TEX9: variants seen among roughly 807,000 people sequenced by gnomAD.
The protein encoded by TEX9 is testis expressed 9, also known as testis-expressed protein 9.
In TEX9, 74 loss-of-function variants were observed where a neutral mutation model predicts 59.6. That is an observed-to-expected ratio of 1.24 (90% CI 1.03 to 1.51). TEX9 has a LOEUF of 1.51. TEX9 is among the 40% of genes most tolerant of loss of function. The pLI, the probability that TEX9 is intolerant of heterozygous loss-of-function variation, is 0.00. For missense variants in TEX9, 522 were observed against 447.8 expected, an observed-to-expected ratio of 1.17 and a Z score of -1.49; for synonymous variants, 186 against 152.2, an observed-to-expected ratio of 1.22 and a Z score of -1.64.
At chr15:56,394,700 T>C (rs538223285) in exon 9 of TEX9, 11 of 1,608,188 alleles carry the variant, frequency 6.8e-6, no homozygotes, top group South Asian at 6.7e-5. Flanking sequence ...AGTAAAAAAT[T>C]TTGAAGAAGA....
At chr15:56,322,238 G>C (rs1440796398) in intron 1 of TEX9, among the ~76,000 whole-genome samples, 1 of 152,096 alleles carries the variant, frequency 6.6e-6, no homozygotes, top group African/African-American at 2.4e-5. Context: ...GAGTGGACAG[G>C]TTGTGTCAAG....
intron 1 of TEX9, chr15:56,323,077 G>T: frequency 5.3e-6 from 1 of 189,370 alleles, no homozygotes; most frequent in Non-Finnish European, 1.1e-5. Context: ...GATGGGTACT[G>T]GATGACTCTG....
intron 1 of TEX9, among the ~76,000 whole-genome samples, chr15:56,290,015 G>T (rs941356253): frequency 1.3e-5 from 2 of 152,322 alleles, no homozygotes; most frequent in Middle Eastern, 3.4e-3. Context: ...TGGCTCTGGA[G>T]TGTGAATTAG....
At chr15:56,289,167 G>GT (rs1176350006) in intron 1 of TEX9, among the ~76,000 whole-genome samples, 3 of 151,960 alleles carry the variant, frequency 2.0e-5, no homozygotes, top group African/African-American at 7.2e-5. Flanking sequence ...TTTTCTCGAG[G>GT]TTTTCTGAGC....
At chr15:56,444,796 C>G (rs2050880042) in intron 12 of TEX9, 1 of 907,360 alleles carries the variant, frequency 1.1e-6, no homozygotes, top group Admixed American at 2.7e-5. Flanking sequence ...TTTCATCTGT[C>G]TAGGTTAAAA....
At chr15:56,295,063 T>C (rs1269643731) in intron 1 of TEX9, among the ~76,000 whole-genome samples, 1 of 152,096 alleles carries the variant, frequency 6.6e-6, no homozygotes, top group African/African-American at 2.4e-5. Context: ...CCTTAACTAG[T>C]AATAAACTAT....
intron 1 of TEX9, among the ~76,000 whole-genome samples, chr15:56,339,335 A>G (rs1462296407): frequency 7.4e-6 from 1 of 135,152 alleles, no homozygotes; most frequent in Non-Finnish European, 1.5e-5. Flanking sequence ...GTAAGCCCTG[A>G]TCACGCCACT....
chr15:56,324,986 A>G (rs775134366), intron 1 of TEX9, among the ~76,000 whole-genome samples: 1 of 152,224 alleles, frequency 6.6e-6, no homozygotes, highest in Non-Finnish European at 1.5e-5. Context: ...AATAGTTCTT[A>G]CCTACCTCTA....
intron 1 of TEX9, among the ~76,000 whole-genome samples, chr15:56,284,657 C>T (rs1206018251): frequency 6.6e-6 from 1 of 152,110 alleles, no homozygotes; most frequent in Non-Finnish European, 1.5e-5. Flanking sequence ...GCCTCTTTAC[C>T]AGTATTTCCA....
At chr15:56,388,861 G>C (rs2048078887) in intron 5 of TEX9, among the ~76,000 whole-genome samples, 1 of 152,002 alleles carries the variant, frequency 6.6e-6, no homozygotes, top group Non-Finnish European at 1.5e-5. Context: ...GATTTGAAAA[G>C]TTTGTTTGTT....
At position 56,436,143 on chromosome 15, in the gene TEX9, C is replaced by A. The variant is rs544397660; in HGVS notation, c.*29+7670C>A. ...TACAGAACTCTCCAGCCCAAATCAA[C>A]AGAATATACATTCTTCTCAGCACCA... On this transcript the variant is annotated intron_variant, in intron 12 of 12. Coordinates refer to ENST00000352903, the Ensembl canonical transcript of TEX9. Among the ~76,000 whole-genome samples, 16 of 152,278 alleles carry A rather than the reference C, an allele frequency of 1.1e-4. No individual in the cohort carries two copies. The South Asian group carries it at 1.2e-3, about 12-fold the overall frequency.
chr15:56,450,744 A>G (rs10438330), downstream of TEX9, among the ~76,000 whole-genome samples: 3,010 of 152,158 alleles, frequency 0.02, 44 homozygotes, highest in Non-Finnish European at 0.03. Context: ...AAGTCTCACT[A>G]TTGAATTTTT....
At chr15:56,316,967 CT>C (rs769574073) in intron 1 of TEX9, among the ~76,000 whole-genome samples, 1 of 152,218 alleles carries the variant, frequency 6.6e-6, no homozygotes, top group Non-Finnish European at 1.5e-5. Flanking sequence ...TCCCTGACCC[CT>C]TGCGCTTCCC....
intron 12 of TEX9, chr15:56,434,516 G>T: frequency 9.4e-7 from 1 of 1,065,134 alleles, no homozygotes; most frequent in Non-Finnish European, 1.3e-6. Context: ...AACTGAAAAA[G>T]TAAGGCTTTT....
Position 56,306,906 on chromosome 15 carries a change from A to G in TEX9, c.-107+62628A>G, listed in dbSNP as rs548547025. 2.2e-4 allele frequency among the ~76,000 whole-genome samples: 33 copies of G among 152,356 alleles called. No homozygotes were observed. The South Asian group carries it at 6.6e-3, about 31-fold the overall frequency. ...GTACCCATGAAACATTGAAAATTAA[A>G]AGAAACTTATACCGGCCATTAATAC... On this transcript the variant is annotated intron_variant, in intron 1 of 5. Coordinates refer to the TEX9 transcript ENST00000560827.
chr15:56,360,925 G>A (rs1280391654), upstream of TEX9, among the ~76,000 whole-genome samples: 1 of 152,152 alleles, frequency 6.6e-6, no homozygotes, highest in Non-Finnish European at 1.5e-5. Flanking sequence ...TCCAATAGAG[G>A]CTCTAGTCCA....
intron 1 of TEX9, among the ~76,000 whole-genome samples, chr15:56,341,278 C>A (rs2046367782): frequency 6.6e-6 from 1 of 152,076 alleles, no homozygotes. Context: ...ATAATTACTC[C>A]TCCTCCCATA....
chr15:56,449,125 T>G (rs2050929532), downstream of TEX9, among the ~76,000 whole-genome samples: 1 of 152,204 alleles, frequency 6.6e-6, no homozygotes, highest in South Asian at 2.1e-4. Context: ...TTTTATTCCT[T>G]TAATGCCAAT....
intron 3 of TEX9, among the ~76,000 whole-genome samples, chr15:56,375,523 G>T (rs1162273254): frequency 6.6e-6 from 1 of 151,246 alleles, no homozygotes; most frequent in Non-Finnish European, 1.5e-5. Context: ...AGTTTAATTA[G>T]ATCCCATTTG....
Sources: allele counts gnomAD v4.1 joint callset (sites outside exome capture counted in the v4.1 genomes callset), GRCh38; gene constraint gnomAD v4.1.1; transcripts MANE v1.5; gene names NCBI Gene and HGNC (gene_info 2026-07-23, HGNC 2026-07-21).